The following VWA8 variants were observed in gnomAD, a reference collection of about 807,000 sequenced individuals.
The protein encoded by VWA8 is von Willebrand factor A domain-containing protein 8.
In VWA8, 221 loss-of-function variants were observed where a neutral mutation model predicts 241.5. The observed-to-expected ratio is 0.91, with a 90% CI of 0.82 to 1.02. VWA8 has a LOEUF of 1.02. Among genes scored for constraint, VWA8 ranks in the 50% least tolerant of loss-of-function variants. The probability of loss-of-function intolerance (pLI) is 0.00; values close to 1 mark genes in which losing one functional copy is unlikely to be tolerated. For missense variants in VWA8, 2,322 were observed against 2,328.7 expected (o/e 1.00, Z 0.06); for synonymous variants, 852 against 827.1 (o/e 1.03, Z -0.52).
chr13:41,824,063 T>A (rs2137990726), intron 14 of VWA8, among the ~76,000 whole-genome samples: 1 of 152,336 alleles, frequency 6.6e-6, no homozygotes, highest in South Asian at 2.1e-4. Context: ...TACCTGAGTT[T>A]CCTCTCTGAA....
intron 9 of VWA8, among the ~76,000 whole-genome samples, chr13:41,875,863 C>T (rs140918514): frequency 1.7e-3 from 257 of 152,176 alleles, no homozygotes; most frequent in Non-Finnish European, 3.3e-3. Context: ...CTTGTATATG[C>T]AACTGCCTCT....
chr13:41,738,383 G>T (rs943037434), intron 21 of VWA8, among the ~76,000 whole-genome samples: 1 of 152,060 alleles, frequency 6.6e-6, no homozygotes. Flanking sequence ...GTCTTGCTGG[G>T]AACTGCTGGT....
chr13:41,719,385 A>G (rs1389608284), intron 26 of VWA8: 2 of 1,400,622 alleles, frequency 1.4e-6, no homozygotes, highest in Non-Finnish European at 1.8e-6. Context: ...CTCATGGGAC[A>G]TACATAATAA....
At chr13:41,958,779 G>T (rs186438348) in intron 1 of VWA8, among the ~76,000 whole-genome samples, 15 of 152,296 alleles carry the variant, frequency 9.8e-5, no homozygotes, top group Admixed American at 9.2e-4. Context: ...GATCCTGCCA[G>T]AGTAAATGAC....
chr13:41,855,018 A>C (rs1460446187), intron 12 of VWA8, among the ~76,000 whole-genome samples: 1 of 152,156 alleles, frequency 6.6e-6, no homozygotes, highest in African/African-American at 2.4e-5. Flanking sequence ...CAGGGGCCAG[A>C]TAAAAAAGAG....
At chr13:41,624,417 A>T (rs1051359341) in intron 37 of VWA8, among the ~76,000 whole-genome samples, 1 of 152,210 alleles carries the variant, frequency 6.6e-6, no homozygotes, top group African/African-American at 2.4e-5. Context: ...TAGCTGCAAA[A>T]ATCCTCAACA....
chr13:41,652,009 T>C (rs1410354023), intron 37 of VWA8, among the ~76,000 whole-genome samples: 1 of 152,216 alleles, frequency 6.6e-6, no homozygotes, highest in Admixed American at 6.5e-5. Flanking sequence ...GAGATTTCAC[T>C]TAAAAATCTA....
chr13:41,764,480 A>G (rs1028208394), intron 20 of VWA8, among the ~76,000 whole-genome samples: 6 of 152,204 alleles, frequency 3.9e-5, no homozygotes, highest in African/African-American at 1.4e-4. Flanking sequence ...ATAGTCTAGT[A>G]GGGAACACAG....
intron 29 of VWA8, among the ~76,000 whole-genome samples, chr13:41,696,533 C>G (rs1333681354): frequency 6.6e-6 from 1 of 152,134 alleles, no homozygotes; most frequent in Non-Finnish European, 1.5e-5. Flanking sequence ...ATGTTTAATT[C>G]TGGTAGGGTC....
chr13:41,871,880 C>T (rs1286390348), intron 9 of VWA8, among the ~76,000 whole-genome samples: 2 of 152,334 alleles, frequency 1.3e-5, no homozygotes, highest in Non-Finnish European at 2.9e-5. Context: ...GAAATCGCCA[C>T]ACTGACTTCC....
intron 2 of VWA8, among the ~76,000 whole-genome samples, chr13:41,927,680 C>T (rs952998961): frequency 6.6e-6 from 1 of 151,818 alleles, no homozygotes; most frequent in Non-Finnish European, 1.5e-5. Flanking sequence ...CAGAGGGTAA[C>T]AACAGAGAAA....
chr13:41,622,632 T>C (rs950816952), intron 37 of VWA8, among the ~76,000 whole-genome samples: 45 of 152,324 alleles, frequency 3.0e-4, no homozygotes, highest in Admixed American at 9.8e-4. Flanking sequence ...GTAAGAATCA[T>C]TATCCCCTTA....
chr13:41,863,437 A>G (rs201274071), intron 12 of VWA8, among the ~76,000 whole-genome samples: 1,342 of 87,612 alleles, frequency 0.015, 34 homozygotes, highest in African/African-American at 0.041. Context: ...GTGTGTGTAT[A>G]TATATATATA....
intron 36 of VWA8, among the ~76,000 whole-genome samples, chr13:41,674,440 T>C (rs377424778): frequency 6.6e-6 from 1 of 152,092 alleles, no homozygotes; most frequent in East Asian, 1.9e-4. Context: ...CAGATGTGAT[T>C]GCAATATAGG....
At chr13:41,909,018 T>A (rs926329317) in intron 3 of VWA8, among the ~76,000 whole-genome samples, 1 of 152,108 alleles carries the variant, frequency 6.6e-6, no homozygotes, top group South Asian at 2.1e-4. Context: ...CCTGTCCCCA[T>A]GTTACATAAC....
intron 21 of VWA8, among the ~76,000 whole-genome samples, chr13:41,740,036 T>C (rs1485392822): frequency 6.6e-6 from 1 of 151,870 alleles, no homozygotes; most frequent in Non-Finnish European, 1.5e-5. Context: ...TTGTGTTTTT[T>C]AGTAGAGACG....
intron 12 of VWA8, among the ~76,000 whole-genome samples, chr13:41,835,244 A>G (rs1254878191): frequency 2.0e-5 from 3 of 152,186 alleles, no homozygotes; most frequent in Non-Finnish European, 4.4e-5. Flanking sequence ...AACTCAAAAT[A>G]AAAGTTGGAA....
intron 1 of VWA8, among the ~76,000 whole-genome samples, chr13:41,959,249 A>G (rs1177379895): frequency 1.3e-5 from 2 of 152,186 alleles, no homozygotes; most frequent in African/African-American, 2.4e-5. Context: ...TTATCCTTTT[A>G]CAGTTAAGAA....
chr13:41,897,841 C>T (rs143322163), intron 4 of VWA8, among the ~76,000 whole-genome samples: 4 of 152,036 alleles, frequency 2.6e-5, no homozygotes, highest in Non-Finnish European at 5.9e-5. Flanking sequence ...GAAGGGGACC[C>T]GAGCGGGTTG....
Sources: gnomAD v4.1 joint callset for allele counts (sites outside exome capture counted in the v4.1 genomes callset) on GRCh38, gnomAD v4.1.1 for gene constraint, MANE v1.5 for transcripts, NCBI Gene and HGNC (gene_info 2026-07-23, HGNC 2026-07-21) for gene names.